The following PKD2 variants were observed in gnomAD, a reference collection of about 807,000 sequenced individuals.
PKD2 encodes polycystin-2.
A neutral mutation model predicts 105.9 loss-of-function variants in PKD2; 48 were observed. The ratio of observed to expected loss-of-function variants is 0.45; its 90% CI spans 0.36 to 0.58. The LOEUF is 0.58. Among genes scored for constraint, PKD2 ranks in the 20% least tolerant of loss-of-function variants. The pLI is 0.00. For missense variants in PKD2, 1,078 were observed against 1,255.3 expected, an observed-to-expected ratio of 0.86 and a Z score of 2.13; for synonymous variants, 464 against 481.1, an observed-to-expected ratio of 0.96 and a Z score of 0.46.
rs914615634 is a variant in PKD2 at position 88,046,171 on chromosome 4, T to C, written c.1320-471T>C. Among the ~76,000 whole-genome samples the C allele has an allele frequency of 5.3e-5, 8 of 152,016 alleles. No homozygotes were observed. In the East Asian group the frequency reaches 1.5e-3, roughly 29 times the overall value. On this transcript the variant is annotated intron_variant, in intron 5 of 14. Transcript: ENST00000237596. ...TGGGCATGGTGCTGCACACTTACAT[T>C]CCCAGCTACTCAGGAGGCTAAGGCA... is the stretch of plus-strand genomic sequence containing the variant.
chr4:88,049,585 T>G (rs1719962421), intron 6 of PKD2, among the ~76,000 whole-genome samples: 1 of 152,334 alleles, frequency 6.6e-6, no homozygotes, highest in Non-Finnish European at 1.5e-5. Flanking sequence ...TTTGAAACTT[T>G]TGCTGACCAA....
At chr4:88,037,111 G>A (rs1727361731) in intron 3 of PKD2, among the ~76,000 whole-genome samples, 1 of 152,142 alleles carries the variant, frequency 6.6e-6, no homozygotes, top group Non-Finnish European at 1.5e-5. Context: ...CACACCTGCA[G>A]TCCCAGCTAC....
intron 2 of PKD2, among the ~76,000 whole-genome samples, chr4:88,033,895 T>C (rs1392147668): frequency 6.6e-6 from 1 of 152,206 alleles, no homozygotes; most frequent in Non-Finnish European, 1.5e-5. Flanking sequence ...CTCGATTGGC[T>C]ATAGACTTAC....
intron 9 of PKD2, among the ~76,000 whole-genome samples, chr4:88,060,539 G>A (rs1003232577): frequency 2.6e-5 from 4 of 151,740 alleles, no homozygotes; most frequent in East Asian, 1.9e-4. Context: ...TGCCAGTACT[G>A]GGGTAAGGAA....
At chr4:88,066,646 C>T (rs1720807465) in intron 12 of PKD2, among the ~76,000 whole-genome samples, 1 of 152,082 alleles carries the variant, frequency 6.6e-6, no homozygotes, top group Non-Finnish European at 1.5e-5. Context: ...AGCCACCGTG[C>T]CTTTCCTAAA....
intron 7 of PKD2, among the ~76,000 whole-genome samples, chr4:88,054,742 T>C (rs1192252698): frequency 2.7e-5 from 4 of 148,644 alleles, no homozygotes; most frequent in Non-Finnish European, 5.9e-5. Flanking sequence ...GCAACCTCCG[T>C]CTCCTGGGTT....
intron 14 of PKD2, 28 bp downstream of exon 14, chr4:88,074,987 C>A: frequency 6.2e-7 from 1 of 1,608,262 alleles, no homozygotes; most frequent in Middle Eastern, 1.7e-4. Flanking sequence ...GAAAACACCG[C>A]TGCTGAGCAT....
intron 1 of PKD2, among the ~76,000 whole-genome samples, chr4:88,014,674 A>C (rs1468075949): frequency 6.6e-6 from 1 of 152,194 alleles, no homozygotes; most frequent in Non-Finnish European, 1.5e-5. Context: ...ATCTTAGCAC[A>C]AAAAGAGGAT....
intron 2 of PKD2, among the ~76,000 whole-genome samples, chr4:88,029,514 TG>T (rs1453832923): frequency 6.6e-6 from 1 of 152,126 alleles, no homozygotes; most frequent in Non-Finnish European, 1.5e-5. Flanking sequence ...CCTGAACACT[TG>T]GGTGTCATCC....
intron 6 of PKD2, among the ~76,000 whole-genome samples, chr4:88,051,211 C>T (rs1377737794): frequency 6.6e-6 from 1 of 151,976 alleles, no homozygotes; most frequent in African/African-American, 2.4e-5. Flanking sequence ...GAGAGAAGCC[C>T]TTGGCTCATA....
chr4:88,074,813 C>A lies in PKD2; in HGVS notation c.2524C>A (p.Leu842Met). 1 of 1,613,962 alleles carries A rather than the reference C, an allele frequency of 6.2e-7. No homozygotes were observed. The highest frequency in any genetic ancestry group is 1.1e-5 in the South Asian group (1 of 91,052). ...SGVSYEEFQVLVRRVDRMEHS... is the reference protein window; with the variant it reads ...SGVSYEEFQVMVRRVDRMEHS... ...CTCTGTACTGTGTTTTCCTTGCAGC[C>A]TGGTGAGACGAGTGGACCGGATGGA... Residue 842 changes from leucine to methionine, a missense_variant and splice_region_variant, in exon 14 of 15, where the codon CTG becomes ATG. Around this residue, in one of 2 missense-constraint regions of PKD2, gnomAD observed 868 missense variants for 1,067.3 expected, o/e 0.81. Coordinates refer to ENST00000237596, the MANE Select transcript of PKD2 (RefSeq NM_000297.4).
chr4:88,057,560 C>T (rs536551695), intron 8 of PKD2, among the ~76,000 whole-genome samples: 7 of 151,808 alleles, frequency 4.6e-5, no homozygotes, highest in East Asian at 3.9e-4. Context: ...CTCAGCCTCC[C>T]GAATAGCTGA....
At chr4:88,041,481 C>G (rs778510977) in intron 4 of PKD2, among the ~76,000 whole-genome samples, 1 of 152,214 alleles carries the variant, frequency 6.6e-6, no homozygotes, top group Admixed American at 6.5e-5. Flanking sequence ...AGAAAAGGCA[C>G]ATGGCAATAT....
At chr4:88,058,146 G>A (rs778851518) in intron 9 of PKD2, 43 bp downstream of exon 9, 10 of 1,186,172 alleles carry the variant, frequency 8.4e-6, no homozygotes, top group African/African-American at 1.5e-5. Context: ...TTTAAACTTC[G>A]TAAATCCTTG....
intron 2 of PKD2, among the ~76,000 whole-genome samples, chr4:88,027,921 G>T (rs552612919): frequency 1.3e-5 from 2 of 152,226 alleles, no homozygotes; most frequent in East Asian, 3.9e-4. Context: ...GTTTCCTGAG[G>T]TCTCCCCAGC....
At chr4:88,012,237 C>G (rs549645739) in intron 1 of PKD2, among the ~76,000 whole-genome samples, 2 of 152,222 alleles carry the variant, frequency 1.3e-5, no homozygotes, top group Non-Finnish European at 2.9e-5. Flanking sequence ...AGAAAGAACT[C>G]TCATCCGTCA....
rs1281479431 is a variant in PKD2 at position 88,056,214 on chromosome 4, A to C, written c.1845A>C (p.Ala615=). 1 of 1,613,786 alleles carries C rather than the reference A, an allele frequency of 6.2e-7. No homozygotes were observed. The highest frequency in any genetic ancestry group is 8.5e-7 in the Non-Finnish European group (1 of 1,179,722). The change falls in exon 8 of 15, where the codon GCA becomes GCC. Residue 615 remains alanine (A), a synonymous_variant. Coordinates refer to ENST00000237596, the MANE Select transcript of PKD2 (RefSeq NM_000297.4). ...TTTTCCTAGCGTATGCTCAGTTGGCATACCTTGTCTTTGGCACTCAGGTCG... is the reference window on the plus strand; with the variant it reads ...TTTTCCTAGCGTATGCTCAGTTGGCCTACCTTGTCTTTGGCACTCAGGTCG... ...FIIFLAYAQL[A]YLVFGTQVDD... is the part of the protein sequence containing the mutation.
At chr4:88,038,575 T>G in intron 4 of PKD2, 74 bp downstream of exon 4, 1 of 1,487,538 alleles carries the variant, frequency 6.7e-7, no homozygotes, top group Non-Finnish European at 9.4e-7. Flanking sequence ...ATTCATTCAT[T>G]CATTCCCTGA....
At chr4:88,075,286 C>T (rs1486981246) in intron 14 of PKD2, among the ~76,000 whole-genome samples, 172 bp from the exon 15 acceptor site, 1 of 152,150 alleles carries the variant, frequency 6.6e-6, no homozygotes, top group African/African-American at 2.4e-5. Context: ...GCTAATGGTC[C>T]TGCCTTCACT....
Sources: allele counts gnomAD v4.1 joint callset (sites outside exome capture counted in the v4.1 genomes callset), GRCh38; gene constraint gnomAD v4.1.1; regional missense constraint gnomAD v4.1.1; transcripts MANE v1.5; gene names NCBI Gene and HGNC (gene_info 2026-07-23, HGNC 2026-07-21).